Variants in LRRK1 observed in about 807,000 individuals in gnomAD.
LRRK1 encodes leucine rich repeat kinase 1, also known as leucine-rich repeat serine/threonine-protein kinase 1.
LRRK1 carries 113 observed loss-of-function variants against 209.1 expected under a neutral mutation model. The observed-to-expected ratio is 0.54, with a 90% CI of 0.46 to 0.63. LRRK1 has a LOEUF of 0.63. Among genes scored for constraint, LRRK1 ranks in the 30% least tolerant of loss-of-function variants. The pLI is 0.00. For missense variants in LRRK1, 2,284 were observed against 2,632.2 expected (o/e 0.87, Z 2.89); for synonymous variants, 1,144 against 1,099.7 (o/e 1.04, Z -0.80).
intron 2 of LRRK1, among the ~76,000 whole-genome samples, chr15:100,927,838 G>A (rs1347123191): frequency 6.6e-6 from 1 of 152,232 alleles, no homozygotes; most frequent in African/African-American, 2.4e-5. Context: ...GTGAGCCCCA[G>A]CCCTGGAGCT....
At chr15:101,004,361 G>T (rs1003767858) in intron 6 of LRRK1, among the ~76,000 whole-genome samples, 4 of 152,160 alleles carry the variant, frequency 2.6e-5, no homozygotes, top group Non-Finnish European at 5.9e-5. Flanking sequence ...GAGCTGAAAG[G>T]TCTTGCGCAG....
Position 101,051,738 on chromosome 15 carries a change from C to T in LRRK1, c.3467C>T (p.Thr1156Met), listed in dbSNP as rs768759171. 1.2e-6 allele frequency: 2 copies of T among 1,613,894 alleles called. No individual in the cohort carries two copies. Among genetic ancestry groups the T allele is most frequent in the South Asian group, 1.1e-5 (1 of 91,084 alleles). ...PALTATESDG[T>M]PLMEQYVPCP... ...CTGACAGCCACAGAGAGCGACGGGACGCCACTCATGGAGCAGTACGTGCCC... is the reference window on the plus strand; with the variant it reads ...CTGACAGCCACAGAGAGCGACGGGATGCCACTCATGGAGCAGTACGTGCCC... The change falls in exon 24 of 34, where the codon ACG becomes ATG. Residue 1156 changes from threonine to methionine, a missense_variant. By Grantham distance (81) the Thr-to-Met change is moderately conservative. This residue lies in a region of LRRK1 where 780 missense variants were observed against 985.2 expected (regional missense o/e 0.79). Transcript: ENST00000388948.
chr15:101,017,587 C>A (rs552942612), intron 12 of LRRK1, among the ~76,000 whole-genome samples: 2 of 152,178 alleles, frequency 1.3e-5, no homozygotes, highest in South Asian at 4.2e-4. Context: ...CATAGGAGCG[C>A]GAACCCTATT....
Position 101,024,949 on chromosome 15 carries a change from C to G in LRRK1, c.2214C>G (p.Phe738Leu), listed in dbSNP as rs1461201082. Residue 738 changes from phenylalanine to leucine, a missense_variant, in exon 16 of 34, where the codon TTC (phenylalanine) becomes TTG (leucine). Phe to Leu is a conservative substitution (Grantham distance 22). Coordinates refer to ENST00000388948, the MANE Select transcript of LRRK1 (RefSeq NM_024652.6). This position sits in a 1 kb window ranked among gnomAD's most constrained non-coding sequence, Gnocchi z 4.6. ...AGGAGGCCGTGGCCAACCTCCAGTT[C>G]TGGCTGCTCAACATCGAGGTGAGGA... ...LGEEAVANLQFWLLNIEAKAP... is the reference protein window; with the variant it reads ...LGEEAVANLQLWLLNIEAKAP... The G allele has an allele frequency of 3.1e-6, 5 of 1,613,818 alleles. No homozygotes were observed. Among genetic ancestry groups the G allele is most frequent in the Non-Finnish European group, 3.4e-6 (4 of 1,179,950 alleles).
At chr15:101,021,367 C>T (rs758542863) in intron 13 of LRRK1, among the ~76,000 whole-genome samples, 185 bp downstream of exon 13, 4 of 152,082 alleles carry the variant, frequency 2.6e-5, no homozygotes, top group Non-Finnish European at 5.9e-5. Context: ...GACGGAGTAG[C>T]AATGCAATGA....
At chr15:101,038,599 A>T (rs1413455316) in intron 20 of LRRK1, among the ~76,000 whole-genome samples, 3 of 152,020 alleles carry the variant, frequency 2.0e-5, no homozygotes, top group Non-Finnish European at 4.4e-5. Context: ...CACACTGGGG[A>T]GTCTCTCTCA....
chr15:100,967,995 G>T (rs2030581906), intron 2 of LRRK1, among the ~76,000 whole-genome samples: 1 of 152,184 alleles, frequency 6.6e-6, no homozygotes, highest in African/African-American at 2.4e-5. Context: ...ACTCCAGTGA[G>T]ATATAGAACC....
At position 101,024,111 on chromosome 15, in the gene LRRK1, C is replaced by G. The variant is rs372755523; in HGVS notation, c.2068-692C>G. 1.4e-4 allele frequency among the ~76,000 whole-genome samples: 22 copies of G among 152,254 alleles called. No individual in the cohort carries two copies. Among genetic ancestry groups the G allele is most frequent in the African/African-American group, 5.3e-4 (22 of 41,554 alleles). On this transcript the variant is annotated intron_variant, in intron 15 of 33. Coordinates refer to ENST00000388948, the MANE Select transcript of LRRK1 (RefSeq NM_024652.6). The surrounding 1 kb of genome is among the most constrained non-coding windows in gnomAD (Gnocchi z 4.6). The stretch of plus-strand genomic sequence containing the variant: ...AGGACAATCCTGTGAAGGCTGAGCC[C>G]GCCGCTCTCTCTGTGGCCGGCCTCA...
At chr15:101,044,990 C>T (rs2034978149) in intron 20 of LRRK1, among the ~76,000 whole-genome samples, 1 of 152,234 alleles carries the variant, frequency 6.6e-6, no homozygotes, top group Non-Finnish European at 1.5e-5. Flanking sequence ...CCTCCTGCTT[C>T]ACCACCTGTG....
intron 2 of LRRK1, among the ~76,000 whole-genome samples, chr15:100,942,033 A>G (rs543078939): frequency 5.3e-5 from 8 of 152,144 alleles, no homozygotes; most frequent in Non-Finnish European, 1.0e-4. Flanking sequence ...TTCTTTTCCC[A>G]TGCTAATAAG....
At chr15:100,981,544 G>T (rs1007324564) in intron 3 of LRRK1, among the ~76,000 whole-genome samples, 2 of 152,166 alleles carry the variant, frequency 1.3e-5, no homozygotes, top group Admixed American at 6.5e-5. Flanking sequence ...TCCACTAACA[G>T]AACCTGAGCC....
chr15:101,033,633 T>A (rs1222314982), intron 20 of LRRK1, among the ~76,000 whole-genome samples: 1 of 152,204 alleles, frequency 6.6e-6, no homozygotes, highest in Admixed American at 6.5e-5. Flanking sequence ...AGTATTCCAT[T>A]GTGTATATGG....
intron 20 of LRRK1, among the ~76,000 whole-genome samples, chr15:101,030,565 C>T (rs8041825): frequency 0.06 from 9,153 of 152,130 alleles, 874 homozygotes; most frequent in African/African-American, 0.21. Context: ...CACCGATCAC[C>T]TTCCCCCACG....
Position 101,065,476 on chromosome 15 carries a change from G to C in LRRK1, c.5039G>C (p.Ser1680Thr). The C allele has an allele frequency of 6.2e-7, 1 of 1,614,244 alleles. No homozygotes were observed. The highest frequency in any genetic ancestry group is 8.5e-7 in the Non-Finnish European group (1 of 1,180,050). Residue 1680 changes from serine to threonine, a missense_variant, in exon 32 of 34, where the codon AGC becomes ACC. By Grantham distance (58) the Ser-to-Thr change is moderately conservative. Coordinates refer to ENST00000388948, the MANE Select transcript of LRRK1 (RefSeq NM_024652.6). ...CACACAGCCAACAGGTCCAAGTTCAGCATCGCGGATGAAGACGCACGGCAG... is the reference window on the plus strand; with the variant it reads ...CACACAGCCAACAGGTCCAAGTTCACCATCGCGGATGAAGACGCACGGCAG... Reference protein sequence around the residue: ...CSHTANRSKFSIADEDARQNP... With the variant: ...CSHTANRSKFTIADEDARQNP...
At chr15:100,954,540 T>C (rs2042716110) in intron 2 of LRRK1, among the ~76,000 whole-genome samples, 1 of 152,222 alleles carries the variant, frequency 6.6e-6, no homozygotes, top group Non-Finnish European at 1.5e-5. Flanking sequence ...TTGCCTGTAC[T>C]TTCAGTGTCA....
rs140214759 is a variant in LRRK1 at position 101,028,238 on chromosome 15, G to A, written c.2686+441G>A. On this transcript the variant is annotated intron_variant, in intron 19 of 33. Transcript: ENST00000388948. The stretch of plus-strand genomic sequence containing the variant: ...CTGGTCACCACATACTCACCAGCCC[G>A]TCAGTACAGAACCTTGTTTTATGTG... Among the ~76,000 whole-genome samples, 573 of 152,348 alleles carry A rather than the reference G, an allele frequency of 3.8e-3. 1 individual carries two copies. Among genetic ancestry groups the A allele is most frequent in the Middle Eastern group, 0.01 (3 of 294 alleles).
chr15:101,048,717 GCC>G, intron 22 of LRRK1, 60 bp downstream of exon 22: 1 of 1,401,272 alleles, frequency 7.1e-7, no homozygotes. Context: ...CCACCGCGGG[GCC>G]ACGTCAGCAG....
intron 2 of LRRK1, among the ~76,000 whole-genome samples, chr15:100,954,375 T>C (rs186751505): frequency 6.6e-6 from 1 of 152,334 alleles, no homozygotes; most frequent in East Asian, 1.9e-4. Context: ...TTAAATCATA[T>C]GGGTTCTTTA....
At chr15:101,067,130 G>A in intron 33 of LRRK1, 1 of 397,922 alleles carries the variant, frequency 2.5e-6, no homozygotes, top group Non-Finnish European at 5.1e-6. Context: ...GCACCCTATG[G>A]GGACAGATGA....
Sources: allele counts gnomAD v4.1 joint callset (sites outside exome capture counted in the v4.1 genomes callset), GRCh38; gene constraint gnomAD v4.1.1; regional missense constraint gnomAD v4.1.1; non-coding constraint Gnocchi (gnomAD v3.1); transcripts MANE v1.5; gene names NCBI Gene and HGNC (gene_info 2026-07-23, HGNC 2026-07-21).